Variants in NAV1 observed in about 807,000 individuals in gnomAD.
The protein encoded by NAV1 is neuron navigator 1.
A neutral mutation model predicts 175.2 loss-of-function variants in NAV1; 18 were observed. That is an observed-to-expected ratio of 0.10 (90% CI 0.07 to 0.15). NAV1 has a LOEUF of 0.15. NAV1 is among the 10% of genes least tolerant of loss of function. NAV1 has a pLI of 1.00. For synonymous variants in NAV1, 897 were observed against 978.7 expected, an observed-to-expected ratio of 0.92 and a Z score of 1.56; for missense variants, 1,731 against 2,436.6, an observed-to-expected ratio of 0.71 and a Z score of 6.10.
chr1:201,644,515 G>T (rs538534345), upstream of NAV1, among the ~76,000 whole-genome samples: 2 of 152,338 alleles, frequency 1.3e-5, no homozygotes. Flanking sequence ...TGGATGCCAA[G>T]ATGGCTATTT....
intron 1 of NAV1, among the ~76,000 whole-genome samples, chr1:201,623,939 G>C (rs1297239959): frequency 6.6e-6 from 1 of 152,232 alleles, no homozygotes; most frequent in African/African-American, 2.4e-5. Context: ...TGTCGTGGAA[G>C]CTTAAGCAGC....
At chr1:201,573,515 C>A (rs1666607489) in intron 1 of NAV1, among the ~76,000 whole-genome samples, 1 of 152,166 alleles carries the variant, frequency 6.6e-6, no homozygotes, top group African/African-American at 2.4e-5. Flanking sequence ...AGAGCTTTGT[C>A]CCCTCCCCTA....
At chr1:201,581,541 A>G (rs1345275160) in intron 1 of NAV1, among the ~76,000 whole-genome samples, 1 of 152,092 alleles carries the variant, frequency 6.6e-6, no homozygotes, top group Non-Finnish European at 1.5e-5. Flanking sequence ...TTAAAAACAG[A>G]GCTCCGGCCG....
intron 3 of NAV1, among the ~76,000 whole-genome samples, chr1:201,720,151 TG>T (rs1672319132): frequency 6.6e-6 from 1 of 152,184 alleles, no homozygotes; most frequent in Non-Finnish European, 1.5e-5. Flanking sequence ...AGGCCTGTGC[TG>T]GGCAGGAAGG....
chr1:201,783,946 G>GTGA, intron 7 of NAV1, 94 bp downstream of exon 11: 3 of 1,235,100 alleles, frequency 2.4e-6, no homozygotes, highest in Non-Finnish European at 2.2e-6. Context: ...TTGCCATTTT[G>GTGA]TGACTTTTGA....
At chr1:201,643,932 C>G (rs1303427216), upstream of NAV1, among the ~76,000 whole-genome samples, 1 of 152,220 alleles carries the variant, frequency 6.6e-6, no homozygotes, top group Non-Finnish European at 1.5e-5. Context: ...CATCTTCATT[C>G]CTCAAATTGC....
In NAV1 at chr1:201,539,293, C is replaced by A. The variant is rs1231250626; in HGVS notation, c.-193C>A. Among the ~76,000 whole-genome samples the A allele has an allele frequency of 1.3e-5, 2 of 151,940 alleles. No homozygotes were observed. Among genetic ancestry groups the A allele is most frequent in the African/African-American group, 2.4e-5 (1 of 41,430 alleles). ...CCGCGCTGCCCTTGGGGATGCGCGA[C>A]TCTGCGCGGCTGCGGCGCGGACCCG... is the stretch of plus-strand genomic sequence containing the variant. On this transcript the variant is annotated 5_prime_UTR_variant, in exon 1 of 34. Coordinates refer to the NAV1 transcript ENST00000685211. This position sits in a 1 kb window ranked among gnomAD's most constrained non-coding sequence, Gnocchi z 5.6.
chr1:201,677,617 A>G (rs1462443786), intron 1 of NAV1, among the ~76,000 whole-genome samples: 1 of 151,396 alleles, frequency 6.6e-6, no homozygotes, highest in African/African-American at 2.4e-5. Flanking sequence ...CCCTAAACTC[A>G]CCATCTTTTT....
At chr1:201,612,592 C>T (rs1012711443) in intron 2 of NAV1, among the ~76,000 whole-genome samples, 13 of 152,168 alleles carry the variant, frequency 8.5e-5, no homozygotes, top group African/African-American at 3.1e-4. Flanking sequence ...ATCTGTGTGT[C>T]CTCACGTGGT....
At chr1:201,793,842 C>T (rs770185395) in exon 14 of NAV1, 1 of 1,610,114 alleles carries the variant, frequency 6.2e-7, no homozygotes, top group Admixed American at 1.7e-5. Context: ...TGACATCCCG[C>T]CTGCGACACC....
chr1:201,557,993 G>A (rs1666081328), intron 1 of NAV1, among the ~76,000 whole-genome samples: 2 of 152,134 alleles, frequency 1.3e-5, no homozygotes, highest in African/African-American at 4.8e-5. Context: ...CAGAAACCAG[G>A]GATAAGAATA....
intron 1 of NAV1, among the ~76,000 whole-genome samples, chr1:201,652,332 C>T (rs1669234265): frequency 6.6e-6 from 1 of 152,092 alleles, no homozygotes; most frequent in East Asian, 1.9e-4. Flanking sequence ...TGATCATCCC[C>T]TTCCCAGAAA....
rs930936975 is a variant in NAV1, at chr1:201,539,565, C to G, written c.-144+223C>G. 2.0e-5 allele frequency among the ~76,000 whole-genome samples: 3 copies of G among 152,074 alleles called. No homozygotes were observed. Among genetic ancestry groups the G allele is most frequent in the African/African-American group, 7.2e-5 (3 of 41,406 alleles). ...CCGGGAAGGTGTGTGCCCTTTCGAC[C>G]CCTATGGGACTGACTGCGCGTTTGA... On this transcript the variant is annotated intron_variant, in intron 1 of 33. Transcript: ENST00000685211. The surrounding 1 kb of genome is among the most constrained non-coding windows in gnomAD (Gnocchi z 5.6).
At chr1:201,672,695 G>A (rs1670088354) in intron 1 of NAV1, among the ~76,000 whole-genome samples, 1 of 152,192 alleles carries the variant, frequency 6.6e-6, no homozygotes, top group African/African-American at 2.4e-5. Context: ...GCCTTTCAGG[G>A]TGTCATAGAA....
At chr1:201,587,085 C>T (rs1190713490) in intron 1 of NAV1, among the ~76,000 whole-genome samples, 1 of 150,980 alleles carries the variant, frequency 6.6e-6, no homozygotes, top group South Asian at 2.1e-4. Flanking sequence ...GTGGTGCGCA[C>T]CTGTAGTCCC....
intron 9 of NAV1, among the ~76,000 whole-genome samples, chr1:201,786,803 G>C (rs1485991993): frequency 6.6e-6 from 1 of 152,170 alleles, no homozygotes; most frequent in Non-Finnish European, 1.5e-5. Flanking sequence ...GGTCCTTTTA[G>C]CATCAGAGAG....
Position 201,743,057 on chromosome 1 carries a change from G to A in NAV1, c.1226+24302G>A, listed in dbSNP as rs377455945. On this transcript the variant is annotated intron_variant, in intron 3 of 29. Transcript: ENST00000367296. The stretch of plus-strand genomic sequence containing the variant: ...TTTTCATTTAATCTTCACAACAACC[G>A]TATGAGGTATATATTATTATCATCC... Among the ~76,000 whole-genome samples the A allele has an allele frequency of 1.8e-4, 27 of 152,160 alleles. No individual in the cohort carries two copies. The East Asian group carries it at 3.7e-3, about 21-fold the overall frequency.
At chr1:201,654,423 C>A (rs1299705604) in intron 1 of NAV1, among the ~76,000 whole-genome samples, 1 of 147,098 alleles carries the variant, frequency 6.8e-6, no homozygotes, top group Non-Finnish European at 1.5e-5. Flanking sequence ...CCACCCCCAT[C>A]ACAAGCTGCC....
intron 3 of NAV1, among the ~76,000 whole-genome samples, chr1:201,728,559 A>C (rs186122085): frequency 8.6e-4 from 127 of 147,610 alleles, no homozygotes; most frequent in Admixed American, 1.7e-3. Context: ...ATGCCATTAC[A>C]CTCCAGCCTG....
Sources: gnomAD v4.1 joint callset for allele counts (sites outside exome capture counted in the v4.1 genomes callset) on GRCh38, gnomAD v4.1.1 for gene constraint, Gnocchi (gnomAD v3.1) non-coding constraint, MANE v1.5 for transcripts, NCBI Gene and HGNC (gene_info 2026-07-23, HGNC 2026-07-21) for gene names.